The following ABI3BP variants were observed in gnomAD, a reference collection of about 807,000 sequenced individuals.
ABI3BP encodes the protein target of Nesh-SH3.
In ABI3BP, 216 loss-of-function variants were observed where a neutral mutation model predicts 268.6. The ratio of observed to expected loss-of-function variants is 0.80; its 90% CI spans 0.72 to 0.90. The LOEUF (loss-of-function observed/expected upper bound fraction) is 0.90, where lower values mean the gene tolerates loss of function less well. Ranked by LOEUF, ABI3BP falls within the 40% of genes least tolerant of loss-of-function variation. ABI3BP has a pLI of 0.00. For missense variants in ABI3BP, 2,090 were observed against 2,182.4 expected, an observed-to-expected ratio of 0.96 and a Z score of 0.84; for synonymous variants, 730 against 730.0, an observed-to-expected ratio of 1.00 and a Z score of 0.00.
At chr3:100,789,576 A>C in intron 55 of ABI3BP, 60 bp from the exon 56 acceptor site, 1 of 1,508,986 alleles carries the variant, frequency 6.6e-7, no homozygotes, top group South Asian at 1.2e-5. Flanking sequence ...CTGAATGGAG[A>C]TTTAGCATCC....
chr3:100,882,695 GA>G (rs1033451312), intron 6 of ABI3BP, among the ~76,000 whole-genome samples: 3 of 151,680 alleles, frequency 2.0e-5, no homozygotes, highest in Non-Finnish European at 4.4e-5. Flanking sequence ...TATTGAGGGG[GA>G]AAAAAATTAA....
chr3:100,841,210 T>TG (rs2098693791), intron 21 of ABI3BP, among the ~76,000 whole-genome samples: 3 of 131,908 alleles, frequency 2.3e-5, no homozygotes, highest in Non-Finnish European at 3.3e-5. Context: ...TTTTTTTTTT[T>TG]TTTTTTTTTT....
intron 38 of ABI3BP, among the ~76,000 whole-genome samples, 166 bp from the exon 39 acceptor site, chr3:100,821,279 T>G (rs546989987): frequency 6.6e-6 from 1 of 152,342 alleles, no homozygotes; most frequent in East Asian, 1.9e-4. Context: ...TTCCTAAAAT[T>G]TGACTATACC....
At chr3:100,914,108 A>C (rs2153574622) in intron 2 of ABI3BP, among the ~76,000 whole-genome samples, 1 of 152,362 alleles carries the variant, frequency 6.6e-6, no homozygotes, top group Non-Finnish European at 1.5e-5. Flanking sequence ...TCAAACAATT[A>C]GTCTTTAATA....
chr3:100,806,739 A>T (rs989006812), intron 50 of ABI3BP, among the ~76,000 whole-genome samples: 6 of 151,894 alleles, frequency 4.0e-5, no homozygotes, highest in Non-Finnish European at 8.8e-5. Flanking sequence ...TCTGGCAGCC[A>T]CTCCATGGTT....
intron 1 of ABI3BP, among the ~76,000 whole-genome samples, chr3:100,942,974 A>C (rs923459969): frequency 1.3e-5 from 2 of 152,124 alleles, no homozygotes; most frequent in African/African-American, 4.8e-5. Context: ...TTTTACACAT[A>C]TTTTGGTCTG....
intron 51 of ABI3BP, among the ~76,000 whole-genome samples, chr3:100,799,641 C>T (rs1048098582): frequency 6.6e-5 from 10 of 152,128 alleles, no homozygotes; most frequent in Admixed American, 2.0e-4. Flanking sequence ...CCTTTTCCTG[C>T]CTCATCTCCC....
chr3:100,776,101 A>T (rs1412393985), intron 59 of ABI3BP, among the ~76,000 whole-genome samples: 1 of 152,222 alleles, frequency 6.6e-6, no homozygotes, highest in Admixed American at 6.5e-5. Context: ...AACACTTATA[A>T]GTCCCTAAAA....
At chr3:100,812,347 G>A in intron 46 of ABI3BP, 120 bp downstream of exon 46, 2 of 559,402 alleles carry the variant, frequency 3.6e-6, no homozygotes, top group Non-Finnish European at 5.5e-6. Flanking sequence ...GATGAGCACA[G>A]ACAAGCTGTG....
At chr3:100,795,528 G>A (rs971529280) in intron 53 of ABI3BP, among the ~76,000 whole-genome samples, 1 of 151,962 alleles carries the variant, frequency 6.6e-6, no homozygotes. Context: ...ATTGTTAAAT[G>A]GGCACCATTA....
intron 6 of ABI3BP, among the ~76,000 whole-genome samples, chr3:100,884,807 C>T (rs1372402698): frequency 6.6e-6 from 1 of 152,038 alleles, no homozygotes. Flanking sequence ...CTTTGTTACT[C>T]TTAATGGCAA....
Position 100,825,813 on chromosome 3 carries a change from A to G in ABI3BP, c.2634T>C (p.Phe878=). Reference sequence around the variant, plus strand: ...AGGTTGTTGCAGGGATCTCAGTTCTAAAAGTAACAGGCTCGAGGTCTGTAA... The same window carrying G: ...AGGTTGTTGCAGGGATCTCAGTTCTGAAAGTAACAGGCTCGAGGTCTGTAA... The part of the protein sequence containing the change: ...VPVTDLEPVT[F]RTEIPATTLA... The change falls in exon 35 of 68, where the codon TTT becomes TTC. Residue 878 remains phenylalanine (F), a synonymous_variant. Coordinates refer to ENST00000471714, the MANE Select transcript of ABI3BP (RefSeq NM_001375547.2). 6.5e-7 allele frequency: 1 copy of G among 1,535,782 alleles called. No homozygotes were observed. Among genetic ancestry groups the G allele is most frequent in the Non-Finnish European group, 8.7e-7 (1 of 1,146,606 alleles).
intron 49 of ABI3BP, among the ~76,000 whole-genome samples, chr3:100,809,046 T>C (rs2097783102): frequency 1.3e-5 from 2 of 152,006 alleles, no homozygotes; most frequent in Admixed American, 1.3e-4. Context: ...ACACCAGAAG[T>C]TTCTGAAGGA....
intron 2 of ABI3BP, among the ~76,000 whole-genome samples, chr3:100,921,561 A>G (rs79807134): frequency 6.6e-6 from 1 of 152,188 alleles, no homozygotes; most frequent in Non-Finnish European, 1.5e-5. Flanking sequence ...TGAAATGTGA[A>G]TCATGTTTTA....
In ABI3BP at chr3:100,835,148, A is replaced by G. The variant is rs554790949; in HGVS notation, c.2192-375T>C. The stretch of plus-strand genomic sequence containing the variant: ...AAGAAATTACTTGGCTCAGACACAC[A>G]TTCCATTACAAGTTATTAGTATAAA... On this transcript the variant is annotated intron_variant, in intron 28 of 67. Transcript: ENST00000471714. Among the ~76,000 whole-genome samples the G allele has an allele frequency of 4.3e-4, 65 of 152,220 alleles. 3 individuals carry two copies. Among genetic ancestry groups the G allele is most frequent in the Non-Finnish European group, 2.9e-5 (2 of 68,046 alleles).
intron 20 of ABI3BP, 69 bp downstream of exon 20, chr3:100,846,303 C>G (rs932545264): frequency 9.4e-7 from 1 of 1,065,478 alleles, no homozygotes; most frequent in East Asian, 2.6e-5. Flanking sequence ...AATTCTTGCT[C>G]CAAATAATTG....
chr3:100,909,263 A>G (rs2055089748), intron 2 of ABI3BP, among the ~76,000 whole-genome samples: 1 of 152,190 alleles, frequency 6.6e-6, no homozygotes, highest in Non-Finnish European at 1.5e-5. Flanking sequence ...TTAACTCAAG[A>G]TGGATTAAAG....
At position 100,848,823 on chromosome 3, in the gene ABI3BP, G is replaced by C. The variant is rs199903428; in HGVS notation, c.1554C>G (p.Pro518=). The C allele has an allele frequency of 3.1e-6, 5 of 1,613,280 alleles. No homozygotes were observed. In the Admixed American group the frequency reaches 6.7e-5, roughly 22 times the overall value. ...IPSTPKRRPR[P]KPPRTKPERT... is the part of the protein sequence containing the mutation. ...TACCAGGTTTGGTTCTTGGCGGTTTGGGCCGGGGGCGTCGTTTAGGTGTAG... is the reference window on the plus strand; with the variant it reads ...TACCAGGTTTGGTTCTTGGCGGTTTCGGCCGGGGGCGTCGTTTAGGTGTAG... The change falls in exon 18 of 68, where the codon CCC becomes CCG. Residue 518 remains proline, a synonymous_variant. Coordinates refer to ENST00000471714, the MANE Select transcript of ABI3BP (RefSeq NM_001375547.2).
chr3:100,853,285 A>G (rs2098886880), intron 14 of ABI3BP, among the ~76,000 whole-genome samples: 1 of 152,186 alleles, frequency 6.6e-6, no homozygotes, highest in Non-Finnish European at 1.5e-5. Flanking sequence ...CATCTATTAT[A>G]TTGTAATGTC....
Sources: gnomAD v4.1 joint callset for allele counts (sites outside exome capture counted in the v4.1 genomes callset) on GRCh38, gnomAD v4.1.1 for gene constraint, MANE v1.5 for transcripts, NCBI Gene and HGNC (gene_info 2026-07-23, HGNC 2026-07-21) for gene names.